NOS1AP: variants seen among roughly 807,000 people sequenced by gnomAD.
NOS1AP encodes carboxyl-terminal PDZ ligand of neuronal nitric oxide synthase protein.
Under a neutral mutation model 56.2 loss-of-function variants are expected in NOS1AP, and 21 were observed. That is an observed-to-expected ratio of 0.37 (90% CI 0.26 to 0.54). NOS1AP has a LOEUF of 0.54. NOS1AP is among the 20% of genes least tolerant of loss of function. The pLI, the probability that NOS1AP is intolerant of heterozygous loss-of-function variation, is 0.84. For missense variants in NOS1AP, 522 were observed against 657.8 expected (o/e 0.79, Z 2.26); for synonymous variants, 270 against 274.6 (o/e 0.98, Z 0.17).
chr1:162,236,800 T>A (rs1653307473), intron 2 of NOS1AP, among the ~76,000 whole-genome samples: 1 of 152,062 alleles, frequency 6.6e-6, no homozygotes, highest in Admixed American at 6.6e-5. Flanking sequence ...TGCAGAAGAG[T>A]CTGGCTGGTT....
intron 1 of NOS1AP, among the ~76,000 whole-genome samples, chr1:162,074,099 CA>C (rs1320743831): frequency 6.6e-6 from 1 of 152,196 alleles, no homozygotes; most frequent in African/African-American, 2.4e-5. Flanking sequence ...CTTCTACATA[CA>C]AAGACTTTTC....
Position 162,134,485 on chromosome 1 carries a change from TAA to T in NOS1AP, c.106-19901_106-19900del, listed in dbSNP as rs66940059. On this transcript the variant is annotated intron_variant, in intron 1 of 9. Coordinates refer to ENST00000361897, the MANE Select transcript of NOS1AP (RefSeq NM_014697.3). ...TGGAGTGACAGAGGGAGACTTTGTC[TAA>T]AAAAAAAAAAAAAAAAAAGTAAAAC... Among the ~76,000 whole-genome samples, 659 of 92,686 alleles carry T rather than the reference TAA, an allele frequency of 7.1e-3. 7 individuals are homozygous for T. Among genetic ancestry groups the T allele is most frequent in the African/African-American group, 0.019 (617 of 32,496 alleles). The allele number at this position is 92,686 out of a possible 152,430, so 60.8% of individuals were successfully genotyped here.
chr1:162,163,420 A>T (rs1174232289), intron 2 of NOS1AP, among the ~76,000 whole-genome samples: 1 of 152,144 alleles, frequency 6.6e-6, no homozygotes, highest in Non-Finnish European at 1.5e-5. Context: ...TTCCCCACTC[A>T]TTTGAAAAAA....
chr1:162,183,853 A>G (rs1472689074), intron 2 of NOS1AP, among the ~76,000 whole-genome samples: 1 of 152,216 alleles, frequency 6.6e-6, no homozygotes, highest in Non-Finnish European at 1.5e-5. Context: ...CTTTTTCCAT[A>G]TCAGCCATAA....
At chr1:162,221,700 A>C (rs1377758076) in intron 2 of NOS1AP, among the ~76,000 whole-genome samples, 1 of 152,172 alleles carries the variant, frequency 6.6e-6, no homozygotes, top group Non-Finnish European at 1.5e-5. Flanking sequence ...GGTATTAAAT[A>C]ACTTATAGGA....
intron 1 of NOS1AP, among the ~76,000 whole-genome samples, chr1:162,112,006 G>A (rs1432244754): frequency 3.9e-5 from 6 of 152,176 alleles, no homozygotes; most frequent in African/African-American, 1.2e-4. Flanking sequence ...CTGGTTTACC[G>A]CTCAGGCCAG....
chr1:162,204,291 A>G (rs1459273593), intron 2 of NOS1AP, among the ~76,000 whole-genome samples: 1 of 151,964 alleles, frequency 6.6e-6, no homozygotes, highest in Non-Finnish European at 1.5e-5. Context: ...GGGCCTTCTC[A>G]TTTCTCCACG....
intron 5 of NOS1AP, among the ~76,000 whole-genome samples, chr1:162,343,586 G>A (rs988264056): frequency 2.0e-5 from 3 of 152,204 alleles, no homozygotes; most frequent in African/African-American, 7.2e-5. Context: ...GGGAAGAATT[G>A]GGGCTAAGTC....
intron 6 of NOS1AP, among the ~76,000 whole-genome samples, chr1:162,349,812 C>T (rs913826588): frequency 1.3e-5 from 2 of 152,164 alleles, no homozygotes; most frequent in South Asian, 4.1e-4. Context: ...ATTAACTGGA[C>T]GCCCTCTGGT....
intron 2 of NOS1AP, among the ~76,000 whole-genome samples, chr1:162,205,621 C>T (rs1652136415): frequency 6.6e-6 from 1 of 152,100 alleles, no homozygotes; most frequent in South Asian, 2.1e-4. Flanking sequence ...ATGGTTTTTC[C>T]GGGGAGTATT....
intron 2 of NOS1AP, among the ~76,000 whole-genome samples, chr1:162,155,285 T>TATAC (rs1649905417): frequency 7.2e-6 from 1 of 139,288 alleles, no homozygotes. Flanking sequence ...TATACACATA[T>TATAC]ATACATATAT....
rs539561810 is a variant in NOS1AP, at chr1:162,233,386, G to A, written c.178-53958G>A. ...CTCCCAGGAGGGTCAGACTACCCTA[G>A]ACTCTAACCTGGTTGTTTTCCAAGT... On this transcript the variant is annotated intron_variant, in intron 2 of 9. Transcript: ENST00000361897. 1.9e-3 allele frequency among the ~76,000 whole-genome samples: 290 copies of A among 152,264 alleles called. 3 individuals are homozygous for A. Among genetic ancestry groups the A allele is most frequent in the African/African-American group, 6.8e-3 (282 of 41,542 alleles).
chr1:162,138,604 G>A (rs1571052281), intron 1 of NOS1AP, among the ~76,000 whole-genome samples: 2 of 152,296 alleles, frequency 1.3e-5, no homozygotes, highest in South Asian at 4.1e-4. Flanking sequence ...GGAGCCAGAG[G>A]CCTGGGCTCC....
rs530783881 is a variant in NOS1AP, at chr1:162,306,659, C to T, written c.344+5953C>T. ...CTTTAATAAGAATAGTTTCATCAGT[C>T]GGCTTGGTGGCTCACACCTATAATC... On this transcript the variant is annotated intron_variant, in intron 4 of 9. Coordinates refer to ENST00000361897, the MANE Select transcript of NOS1AP (RefSeq NM_014697.3). 3.3e-5 allele frequency among the ~76,000 whole-genome samples: 5 copies of T among 152,264 alleles called. No individual in the cohort carries two copies. In the South Asian group the frequency reaches 6.2e-4, roughly 19 times the overall value.
At chr1:162,366,948 T>G in intron 9 of NOS1AP, 104 bp from the exon 10 acceptor site, 1 of 1,333,874 alleles carries the variant, frequency 7.5e-7, no homozygotes, top group East Asian at 2.3e-5. Flanking sequence ...GCTAAGCTGG[T>G]CTGGGAAGGG....
intron 2 of NOS1AP, among the ~76,000 whole-genome samples, chr1:162,238,796 G>A (rs1009036471): frequency 1.3e-5 from 2 of 152,196 alleles, no homozygotes; most frequent in Non-Finnish European, 2.9e-5. Flanking sequence ...GTCACCAATG[G>A]ATTAGTTATG....
intron 2 of NOS1AP, among the ~76,000 whole-genome samples, chr1:162,225,377 A>G (rs765412323): frequency 6.6e-6 from 1 of 152,058 alleles, no homozygotes; most frequent in Admixed American, 6.5e-5. Flanking sequence ...ACCACAGAAG[A>G]TGCTCCAGCC....
intron 2 of NOS1AP, among the ~76,000 whole-genome samples, chr1:162,251,156 A>G (rs1653833987): frequency 6.6e-6 from 1 of 152,094 alleles, no homozygotes; most frequent in South Asian, 2.1e-4. Context: ...CTTAGTATGA[A>G]CTCAGCTAAT....
At chr1:162,348,022 G>A (rs1352107843) in intron 6 of NOS1AP, among the ~76,000 whole-genome samples, 1 of 152,090 alleles carries the variant, frequency 6.6e-6, no homozygotes, top group Non-Finnish European at 1.5e-5. Flanking sequence ...GGCTGATGCC[G>A]TTAACATTAA....
Sources: gnomAD v4.1 joint callset for allele counts (sites outside exome capture counted in the v4.1 genomes callset) on GRCh38, gnomAD v4.1.1 for gene constraint, MANE v1.5 for transcripts, NCBI Gene and HGNC (gene_info 2026-07-23, HGNC 2026-07-21) for gene names.